NEK11: variants seen among roughly 807,000 people sequenced by gnomAD.
NEK11 encodes serine/threonine-protein kinase Nek11.
Under a neutral mutation model 80.7 loss-of-function variants are expected in NEK11, and 72 were observed. The ratio of observed to expected loss-of-function variants is 0.89; its 90% CI spans 0.74 to 1.08. The LOEUF (loss-of-function observed/expected upper bound fraction) is 1.08. NEK11 is among the 50% of genes least tolerant of loss of function. The pLI, the probability that NEK11 is intolerant of heterozygous loss-of-function variation, is 0.00. For synonymous variants in NEK11, 251 were observed against 260.7 expected (o/e 0.96, Z 0.36); for missense variants, 764 against 763.6 (o/e 1.00, Z -0.01).
intron 3 of NEK11, among the ~76,000 whole-genome samples, chr3:131,033,494 GT>G (rs2065179837): frequency 6.6e-6 from 1 of 152,132 alleles, no homozygotes; most frequent in South Asian, 2.1e-4. Context: ...CTTGGTATCA[GT>G]GTTAAAGGAA....
chr3:131,259,738 G>T (rs1396257410), intron 16 of NEK11, among the ~76,000 whole-genome samples: 1 of 152,134 alleles, frequency 6.6e-6, no homozygotes. Flanking sequence ...ATTAAAGGTT[G>T]CTACTTGGAG....
At chr3:131,334,100 G>A (rs1000216173) in intron 17 of NEK11, among the ~76,000 whole-genome samples, 3 of 152,194 alleles carry the variant, frequency 2.0e-5, no homozygotes, top group African/African-American at 7.2e-5. Flanking sequence ...ATTGAACTCA[G>A]CTCTGCACCA....
At chr3:131,255,766 C>T (rs1185151136) in intron 16 of NEK11, among the ~76,000 whole-genome samples, 1 of 152,156 alleles carries the variant, frequency 6.6e-6, no homozygotes, top group Non-Finnish European at 1.5e-5. Flanking sequence ...GAGAATATTT[C>T]AGTGAACACA....
chr3:131,104,608 C>T (rs946201440), intron 4 of NEK11, among the ~76,000 whole-genome samples: 2 of 152,096 alleles, frequency 1.3e-5, no homozygotes, highest in Non-Finnish European at 2.9e-5. Context: ...TGGACCTTGC[C>T]TGATGAGGTA....
intron 5 of NEK11, among the ~76,000 whole-genome samples, chr3:131,115,037 T>C (rs2080793611): frequency 6.6e-6 from 1 of 152,224 alleles, no homozygotes; most frequent in African/African-American, 2.4e-5. Flanking sequence ...TTTACAGGTG[T>C]GTCTTTGAAG....
At chr3:131,176,923 G>A (rs1379692624) in intron 14 of NEK11, among the ~76,000 whole-genome samples, 3 of 152,090 alleles carry the variant, frequency 2.0e-5, no homozygotes, top group African/African-American at 7.2e-5. Flanking sequence ...ATCCTTAAGT[G>A]GCCTTGCTTG....
intron 16 of NEK11, among the ~76,000 whole-genome samples, chr3:131,271,829 G>A (rs1384217816): frequency 4.6e-5 from 7 of 151,684 alleles, no homozygotes; most frequent in Non-Finnish European, 8.8e-5. Flanking sequence ...GGTGGCTCAC[G>A]CCTGTAATTC....
intron 9 of NEK11, 192 bp from the exon 10 acceptor site, chr3:131,154,844 C>T: frequency 1.8e-6 from 1 of 543,268 alleles, no homozygotes; most frequent in Non-Finnish European, 3.3e-6. Flanking sequence ...AGGCAGGAGC[C>T]TGACCCTGCA....
chr3:131,245,789 G>A (rs545825688), intron 16 of NEK11, among the ~76,000 whole-genome samples: 5 of 151,726 alleles, frequency 3.3e-5, no homozygotes, highest in South Asian at 4.2e-4. Flanking sequence ...CTTTTTATTC[G>A]AGTTAGTTGG....
chr3:131,070,107 A>T (rs1228483836), intron 3 of NEK11, among the ~76,000 whole-genome samples: 7 of 152,104 alleles, frequency 4.6e-5, no homozygotes, highest in Non-Finnish European at 8.8e-5. Flanking sequence ...TCTGTGGTAA[A>T]TTTTTTTATA....
intron 4 of NEK11, among the ~76,000 whole-genome samples, chr3:131,094,908 C>G (rs1465568588): frequency 6.6e-6 from 1 of 152,154 alleles, no homozygotes; most frequent in South Asian, 2.1e-4. Flanking sequence ...ATTATTTTCT[C>G]TCTCCTGTGA....
At chr3:131,075,214 C>T (rs550605588) in intron 3 of NEK11, among the ~76,000 whole-genome samples, 21 of 152,184 alleles carry the variant, frequency 1.4e-4, no homozygotes, top group South Asian at 2.1e-4. Flanking sequence ...GCTAGTTCCA[C>T]GGGTTTAATT....
At chr3:131,145,119 C>G (rs2087869621) in intron 7 of NEK11, among the ~76,000 whole-genome samples, 1 of 152,042 alleles carries the variant, frequency 6.6e-6, no homozygotes, top group Non-Finnish European at 1.5e-5. Context: ...TCCTCCCACT[C>G]CAGCCTCTGG....
chr3:131,250,215 C>T (rs957574958), intron 16 of NEK11, among the ~76,000 whole-genome samples: 8 of 151,444 alleles, frequency 5.3e-5, no homozygotes, highest in Non-Finnish European at 7.4e-5. Context: ...GATTCATCTA[C>T]GTGATTCAGC....
rs766923412 is a variant in NEK11, at chr3:131,170,887, G to A, written c.1399G>A (p.Glu467Lys). 1.9e-6 allele frequency: 3 copies of A among 1,606,192 alleles called. No homozygotes were observed. Among genetic ancestry groups the A allele is most frequent in the Admixed American group, 3.3e-5 (2 of 59,996 alleles). ...EDATSDLGYH[E>K]IPEDPLVAEE... Reference sequence around the variant, plus strand: ...TGCCACATCTGACCTTGGATACCATGGTATGTGTTTGCATTGATTTTCAGA... The same window carrying A: ...TGCCACATCTGACCTTGGATACCATAGTATGTGTTTGCATTGATTTTCAGA... The change falls in exon 14 of 18, where the codon GAG becomes AAG. Residue 467 changes from glutamate to lysine, a missense_variant and splice_region_variant. Glu to Lys is a moderately conservative substitution (Grantham distance 56). Transcript: ENST00000383366.
chr3:131,105,405 G>T (rs562739142), intron 4 of NEK11, among the ~76,000 whole-genome samples: 2 of 152,102 alleles, frequency 1.3e-5, no homozygotes, highest in African/African-American at 4.8e-5. Context: ...GCTTAATCAC[G>T]TATAAAATTT....
At chr3:131,042,351 A>G (rs1490629490) in intron 3 of NEK11, among the ~76,000 whole-genome samples, 1 of 152,218 alleles carries the variant, frequency 6.6e-6, no homozygotes, top group African/African-American at 2.4e-5. Context: ...CAGCAAGCTA[A>G]GATCCACTGG....
rs2096909887 is a variant in NEK11 at position 131,322,746 on chromosome 3, T to C, written c.1719-26811T>C. The stretch of plus-strand genomic sequence containing the variant: ...TTGAGGCTTCAGCAGAGCATCCTTG[T>C]GATGGCCTTGGCTCCTCTTTTCTAA... On this transcript the variant is annotated intron_variant, in intron 17 of 17. Transcript: ENST00000383366. Among the ~76,000 whole-genome samples the C allele has an allele frequency of 1.3e-5, 2 of 152,218 alleles. 1 individual carries two copies. The highest frequency in any genetic ancestry group is 4.1e-4 in the South Asian group (2 of 4,838).
intron 5 of NEK11, among the ~76,000 whole-genome samples, chr3:131,130,030 A>G (rs768249484): frequency 1.3e-5 from 2 of 152,168 alleles, no homozygotes; most frequent in African/African-American, 2.4e-5. Flanking sequence ...GAAAGAATCC[A>G]TATCTTGACA....
Sources: allele counts gnomAD v4.1 joint callset (sites outside exome capture counted in the v4.1 genomes callset), GRCh38; gene constraint gnomAD v4.1.1; transcripts MANE v1.5; gene names NCBI Gene and HGNC (gene_info 2026-07-23, HGNC 2026-07-21).